Variants in SH3TC2 observed in about 807,000 individuals in gnomAD.
The protein encoded by SH3TC2 is SH3 domain and tetratricopeptide repeat-containing protein 2.
Under a neutral mutation model 124.5 loss-of-function variants are expected in SH3TC2, and 87 were observed. That is an observed-to-expected ratio of 0.70 (90% confidence interval 0.59 to 0.84). SH3TC2 has a LOEUF of 0.84. Ranked by LOEUF, SH3TC2 falls within the 40% of genes least tolerant of loss-of-function variation. The pLI, the probability that SH3TC2 is intolerant of heterozygous loss-of-function variation, is 0.00. For missense variants in SH3TC2, 1,536 were observed against 1,566.4 expected (o/e 0.98, Z 0.33); for synonymous variants, 634 against 628.5 (o/e 1.01, Z -0.13).
rs781118041 is a variant in SH3TC2, at chr5:148,983,648, C to T, written c.*21063G>A. ...TTTTGGGGTTTCCTTCCCCCTACCC[C>T]GCACCCCATTAGCCCCTGTCTGTGT... is the stretch of plus-strand genomic sequence containing the variant. On this transcript the variant is annotated 3_prime_UTR_variant, in exon 17 of 17. Transcript: ENST00000515425. Among the ~76,000 whole-genome samples, 4 of 152,162 alleles carry T rather than the reference C, an allele frequency of 2.6e-5. No homozygotes were observed. Among genetic ancestry groups the T allele is most frequent in the East Asian group, 1.9e-4 (1 of 5,198 alleles).
At chr5:149,041,129 T>G (rs1754364263) in intron 6 of SH3TC2, among the ~76,000 whole-genome samples, 2 of 152,206 alleles carry the variant, frequency 1.3e-5, no homozygotes, top group Non-Finnish European at 2.9e-5. Context: ...CCCAGACAAG[T>G]GGTCCCCAGT....
At chr5:149,037,928 T>C (rs966848867) in intron 8 of SH3TC2, among the ~76,000 whole-genome samples, 1 of 152,168 alleles carries the variant, frequency 6.6e-6, no homozygotes, top group Non-Finnish European at 1.5e-5. Context: ...GGGATCAGCA[T>C]GCTGCTAATC....
chr5:149,045,985 C>A, intron 3 of SH3TC2: 1 of 428,588 alleles, frequency 2.3e-6, no homozygotes, highest in Admixed American at 2.6e-5. Context: ...AGGTCTGAAT[C>A]ACTGCCCAGA....
At chr5:149,041,099 C>A (rs565147983) in intron 6 of SH3TC2, among the ~76,000 whole-genome samples, 1 of 152,076 alleles carries the variant, frequency 6.6e-6, no homozygotes, top group Non-Finnish European at 1.5e-5. Flanking sequence ...TAGACTCAAC[C>A]CCAAGAAAGT....
chr5:148,987,855 G>GT lies in SH3TC2; in HGVS notation c.*16855dup, dbSNP rs1376033410. On this transcript the variant is annotated 3_prime_UTR_variant, in exon 17 of 17. Coordinates refer to ENST00000515425, the MANE Select transcript of SH3TC2 (RefSeq NM_024577.4). ...TGTGTGTGTGTGTGTGTGTGTGTGT[G>GT]TTCTTTAGATCATGAAACTTCTCAT... Among the ~76,000 whole-genome samples, 4 of 135,782 alleles carry GT rather than the reference G, an allele frequency of 2.9e-5. No homozygotes were observed. Among genetic ancestry groups the GT allele is most frequent in the African/African-American group, 1.1e-4 (4 of 37,172 alleles). The allele number at this position is 135,782 out of a possible 152,430, so 89.1% of individuals were successfully genotyped here.
chr5:149,057,056 ATTT>A, intron 1 of SH3TC2, among the ~76,000 whole-genome samples: 1 of 152,282 alleles, frequency 6.6e-6, no homozygotes, highest in South Asian at 2.1e-4. Context: ...TTTAAATATT[ATTT>A]AACTGAAATA....
chr5:149,031,581 T>C lies in SH3TC2; in HGVS notation c.1108A>G (p.Thr370Ala). 3 of 1,614,154 alleles carry C rather than the reference T, an allele frequency of 1.9e-6. No homozygotes were observed. The highest frequency in any genetic ancestry group is 1.1e-5 in the South Asian group (1 of 91,070). The change falls in exon 9 of 17, where the codon ACT (threonine) becomes GCT (alanine). Residue 370 changes from threonine (T) to alanine (A), a missense_variant. Around this residue, in one of 3 missense-constraint regions of SH3TC2, gnomAD observed 1,102 missense variants for 1,098.6 expected, o/e 1.00. Coordinates refer to ENST00000515425, the MANE Select transcript of SH3TC2 (RefSeq NM_024577.4). ...AGCCGGTAGACAGATGTGATGTCAG[T>C]GCGAGCAAGAGTGTGGAGGAAGCTG... ...CSSFLHTLAR[T>A]DITSVYRLSG... is the part of the protein sequence containing the mutation.
chr5:149,004,509 C>A lies in SH3TC2; in HGVS notation c.*202G>T, dbSNP rs1580885950. 4 of 611,728 alleles carry A rather than the reference C, an allele frequency of 6.5e-6. No homozygotes were observed. The East Asian group carries it at 1.1e-4, about 17-fold the overall frequency. 37.9% of individuals were successfully genotyped at this position (611,728 alleles called of 1,614,324 possible). A position where few individuals can be genotyped will look rare whatever the true frequency, so the allele number is the denominator to read the frequency against. Reference sequence around the variant, plus strand: ...AAGGCTCCAGATGCAAAGCCTGGAACCAGGAATTCTCATCGCTGCACCATC... The same window carrying A: ...AAGGCTCCAGATGCAAAGCCTGGAAACAGGAATTCTCATCGCTGCACCATC... On this transcript the variant is annotated 3_prime_UTR_variant, in exon 17 of 17. Transcript: ENST00000515425.
chr5:149,004,794 G>A lies in SH3TC2; in HGVS notation c.3784C>T (p.Gln1262Ter). The A allele has an allele frequency of 6.2e-7, 1 of 1,614,124 alleles. No homozygotes were observed. The highest frequency in any genetic ancestry group is 1.1e-5 in the South Asian group (1 of 91,072). The change falls in exon 17 of 17, where the codon CAG (glutamine) becomes TAG (stop). Residue 1262 changes from glutamine (Q) to a stop codon, truncating the protein, a stop_gained. Transcript: ENST00000515425. LOFTEE classifies it high-confidence loss of function. Reference protein sequence around the residue: ...TIRSRLDNICQSPLWHSRPSG... With the variant: ...TIRSRLDNIC ...GGCCTGCTGTGCCACAGGGGGCTCTGGCAGATGTTGTCCAGCCTGCTCCTA... is the reference window on the plus strand; with the variant it reads ...GGCCTGCTGTGCCACAGGGGGCTCTAGCAGATGTTGTCCAGCCTGCTCCTA...
intron 12 of SH3TC2, among the ~76,000 whole-genome samples, chr5:149,013,807 G>C (rs1265126594): frequency 6.6e-6 from 1 of 152,182 alleles, no homozygotes; most frequent in Non-Finnish European, 1.5e-5. Context: ...CTAGATAGTA[G>C]TTCTCAGTCC....
intron 1 of SH3TC2, chr5:149,062,415 C>T: frequency 5.7e-6 from 3 of 528,188 alleles, no homozygotes; most frequent in South Asian, 2.8e-5. Flanking sequence ...CCCTAAGTCA[C>T]TCTCCCATGA....
chr5:148,991,398 T>G lies in SH3TC2; in HGVS notation c.*13313A>C, dbSNP rs867246051. ...GCAACACAAACCATCCAGCCAGCAA[T>G]TAAATCTACAGTTCCCTCAACAACA... On this transcript the variant is annotated 3_prime_UTR_variant, in exon 17 of 17. Transcript: ENST00000515425. Among the ~76,000 whole-genome samples, 8 of 152,170 alleles carry G rather than the reference T, an allele frequency of 5.3e-5. No homozygotes were observed. Among genetic ancestry groups the G allele is most frequent in the African/African-American group, 1.9e-4 (8 of 41,430 alleles).
intron 3 of SH3TC2, 37 bp from the exon 4 acceptor site, chr5:149,044,675 A>G: frequency 1.3e-6 from 2 of 1,507,736 alleles, no homozygotes; most frequent in Non-Finnish European, 9.2e-7. Context: ...CTGGGATGAC[A>G]GAAGTGTCCC....
At chr5:149,007,457 T>G in intron 15 of SH3TC2, 1 of 463,568 alleles carries the variant, frequency 2.2e-6, no homozygotes, top group Non-Finnish European at 3.9e-6. Context: ...TAAACCCTTT[T>G]AATGGGACAT....
In SH3TC2 at chr5:148,998,218, A is replaced by C. The variant is rs928220441; in HGVS notation, c.*6493T>G. 1.3e-5 allele frequency among the ~76,000 whole-genome samples: 2 copies of C among 152,242 alleles called. No individual in the cohort carries two copies. The highest frequency in any genetic ancestry group is 2.9e-5 in the Non-Finnish European group (2 of 68,046). ...TATGCACACGAGGATAAACCATAAAATGCATTTCTTACTGTGGGCCACAAC... is the reference window on the plus strand; with the variant it reads ...TATGCACACGAGGATAAACCATAAACTGCATTTCTTACTGTGGGCCACAAC... On this transcript the variant is annotated 3_prime_UTR_variant, in exon 17 of 17. Coordinates refer to ENST00000515425, the MANE Select transcript of SH3TC2 (RefSeq NM_024577.4).
At chr5:149,017,148 T>C (rs1189695776) in intron 12 of SH3TC2, among the ~76,000 whole-genome samples, 2 of 152,318 alleles carry the variant, frequency 1.3e-5, no homozygotes, top group East Asian at 1.9e-4. Flanking sequence ...TATTCTGTTA[T>C]CATTGTGAGC....
chr5:149,007,184 C>T, intron 15 of SH3TC2, 107 bp from the exon 16 acceptor site: 1 of 1,020,836 alleles, frequency 9.8e-7, no homozygotes, highest in South Asian at 1.3e-5. Context: ...ATGTCAGGGA[C>T]TGTGCTGGGG....
chr5:149,016,198 GA>G (rs894857106), intron 12 of SH3TC2, among the ~76,000 whole-genome samples: 2 of 151,832 alleles, frequency 1.3e-5, no homozygotes, highest in African/African-American at 4.8e-5. Context: ...TTTACTAATA[GA>G]AAAAAAATAA....
In SH3TC2 at chr5:149,004,821, T is replaced by C. The variant is rs147931490; in HGVS notation, c.3757A>G (p.Ile1253Val). Reference sequence around the variant, plus strand: ...CAGATGTTGTCCAGCCTGCTCCTAATGGTGTCCTGAAGCTCCTCATCACCC... The same window carrying C: ...CAGATGTTGTCCAGCCTGCTCCTAACGGTGTCCTGAAGCTCCTCATCACCC... ...LLGDEELQDT[I>V]RSRLDNICQS... The change falls in exon 17 of 17, where the codon ATT (isoleucine) becomes GTT (valine). Residue 1253 changes from isoleucine to valine, a missense_variant. Around this residue, in one of 3 missense-constraint regions of SH3TC2, gnomAD observed 426 missense variants for 443.5 expected, o/e 0.96. Transcript: ENST00000515425. The C allele has an allele frequency of 2.3e-5, 37 of 1,614,036 alleles. No homozygotes were observed. Among genetic ancestry groups the C allele is most frequent in the Non-Finnish European group, 3.0e-5 (35 of 1,180,034 alleles).
Sources: gnomAD v4.1 joint callset for allele counts (sites outside exome capture counted in the v4.1 genomes callset) on GRCh38, gnomAD v4.1.1 for gene constraint, gnomAD v4.1.1 regional missense constraint, MANE v1.5 for transcripts, NCBI Gene and HGNC (gene_info 2026-07-23, HGNC 2026-07-21) for gene names.